SOS2: variants seen among roughly 807,000 people sequenced by gnomAD.
SOS2 encodes the protein SOS Ras/Rho guanine nucleotide exchange factor 2, also known as son of sevenless homolog 2.
SOS2 carries 65 observed loss-of-function variants against 148.2 expected under a neutral mutation model. The ratio of observed to expected loss-of-function variants is 0.44; its 90% confidence interval spans 0.36 to 0.54. SOS2 has a LOEUF of 0.54. Among genes scored for constraint, SOS2 ranks in the 20% least tolerant of loss-of-function variants. The pLI, the probability that SOS2 is intolerant of heterozygous loss-of-function variation, is 0.00. For synonymous variants in SOS2, 539 were observed against 537.1 expected (o/e 1.00, Z -0.05); for missense variants, 1,341 against 1,590.2 (o/e 0.84, Z 2.67).
At chr14:50,160,161 C>A in intron 9 of SOS2, 75 bp from the exon 10 acceptor site, 1 of 1,129,812 alleles carries the variant, frequency 8.9e-7, no homozygotes. Context: ...CATCTCAAAT[C>A]AAGTGAGTAA....
rs1418008191 is a variant in SOS2 at position 50,204,298 on chromosome 14, C to G, written c.199G>C (p.Val67Leu). 1 of 1,584,956 alleles carries G rather than the reference C, an allele frequency of 6.3e-7. No homozygotes were observed. Among genetic ancestry groups the G allele is most frequent in the African/African-American group, 1.4e-5 (1 of 73,250 alleles). ...NKLCMAQPRTVQDVEERVQKT... is the reference protein window; with the variant it reads ...NKLCMAQPRTLQDVEERVQKT... ...ATAATTTTTACCTCTACATCTTGAA[C>G]AGTCCTTGGCTGGGCCATGCATAAT... The change falls in exon 2 of 23, where the codon GTT becomes CTT. Residue 67 changes from valine (V) to leucine (L), a missense_variant. Physicochemically the swap from Val to Leu is conservative, Grantham distance 32. Coordinates refer to ENST00000216373, the MANE Select transcript of SOS2 (RefSeq NM_006939.4).
At chr14:50,198,150 T>A (rs1366517639) in intron 4 of SOS2, among the ~76,000 whole-genome samples, 1 of 152,154 alleles carries the variant, frequency 6.6e-6, no homozygotes, top group African/African-American at 2.4e-5. Flanking sequence ...ACTTGAATGA[T>A]GTTTGAAAGT....
chr14:50,184,889 A>C (rs980920862), intron 5 of SOS2, among the ~76,000 whole-genome samples: 3 of 135,038 alleles, frequency 2.2e-5, no homozygotes, highest in South Asian at 4.7e-4. Flanking sequence ...AAAAAAAAAA[A>C]GGGCAGGGGT....
intron 12 of SOS2, chr14:50,156,257 T>TGTACACACACAC (rs1555369885): frequency 8.7e-5 from 13 of 148,738 alleles, no homozygotes; most frequent in African/African-American, 2.5e-4. Flanking sequence ...TAGTGGTACG[T>TGTACACACACAC]ACACACACAC....
chr14:50,172,619 T>C (rs1885404726), intron 8 of SOS2, among the ~76,000 whole-genome samples: 1 of 151,892 alleles, frequency 6.6e-6, no homozygotes, highest in Non-Finnish European at 1.5e-5. Context: ...TCCCTCCCCC[T>C]TGGACTCCTA....
In SOS2 at chr14:50,118,392, G is replaced by C. The variant is rs749513697; in HGVS notation, c.3951C>G (p.Pro1317=). The part of the protein sequence containing the change: ...PKTYKRELSH[P]PLYRLPLLEN... ...CTAGCAAAGGCAGTCTGTACAATGG[G>C]GGGTGCGAAAGCTCCCGTTTGTAAG... The change falls in exon 23 of 23, where the codon CCC becomes CCG. Residue 1317 remains proline (P), a synonymous_variant. Transcript: ENST00000216373. 2.5e-6 allele frequency: 4 copies of C among 1,614,032 alleles called. No homozygotes were observed. Among genetic ancestry groups the C allele is most frequent in the East Asian group, 2.2e-5 (1 of 44,902 alleles).
chr14:50,213,683 A>G (rs1014299011), intron 1 of SOS2, among the ~76,000 whole-genome samples: 4 of 152,090 alleles, frequency 2.6e-5, no homozygotes, highest in Non-Finnish European at 5.9e-5. Context: ...CCACCCCAAA[A>G]AAAAACCCCA....
chr14:50,222,536 GA>G (rs1220195764), intron 1 of SOS2, among the ~76,000 whole-genome samples: 1 of 152,186 alleles, frequency 6.6e-6, no homozygotes, highest in Non-Finnish European at 1.5e-5. Flanking sequence ...GGCTGTAAGA[GA>G]AAATCTCTCC....
intron 7 of SOS2, among the ~76,000 whole-genome samples, chr14:50,179,724 C>A (rs1259397218): frequency 6.6e-6 from 1 of 152,170 alleles, no homozygotes; most frequent in East Asian, 1.9e-4. Flanking sequence ...CCTATGCCAA[C>A]ATAACTTTTG....
chr14:50,165,780 G>A (rs999812979), intron 8 of SOS2, among the ~76,000 whole-genome samples: 2 of 152,154 alleles, frequency 1.3e-5, no homozygotes, highest in South Asian at 2.1e-4. Context: ...AATGTTTTTT[G>A]AGCTCTGCTC....
rs1417704586 is a variant in SOS2, at chr14:50,182,565, T to C, written c.756A>G (p.Glu252=). Residue 252 remains glutamate (E), a synonymous_variant, in exon 6 of 23, where the codon GAA becomes GAG. Transcript: ENST00000216373. ...KIFSNISDIH[E]LTVKLLGLIE... Reference sequence around the variant, plus strand: ...TCAAACCTAAAAGTTTCACAGTCAATTCATGTATATCTGAAATGTTACTAA... The same window carrying C: ...TCAAACCTAAAAGTTTCACAGTCAACTCATGTATATCTGAAATGTTACTAA... The C allele has an allele frequency of 3.7e-6, 6 of 1,606,258 alleles. No individual in the cohort carries two copies. In the East Asian group the frequency reaches 1.3e-4, roughly 36 times the overall value.
chr14:50,151,432 T>C (rs1446929567), intron 13 of SOS2, among the ~76,000 whole-genome samples: 6 of 151,960 alleles, frequency 3.9e-5, no homozygotes, highest in Non-Finnish European at 8.8e-5. Context: ...TAATGTCTAG[T>C]TAACTTTTTG....
At chr14:50,134,266 C>T (rs1319923104) in intron 18 of SOS2, 27 bp from the exon 19 acceptor site, 1 of 1,011,174 alleles carries the variant, frequency 9.9e-7, no homozygotes, top group Middle Eastern at 2.4e-4. Context: ...AACACAAGTG[C>T]ATATATAGTA....
At chr14:50,202,881 G>A (rs1455151177) in intron 2 of SOS2, among the ~76,000 whole-genome samples, 2 of 152,106 alleles carry the variant, frequency 1.3e-5, no homozygotes, top group Non-Finnish European at 1.5e-5. Flanking sequence ...TTGTAGCTGG[G>A]CATGGTGGCT....
At chr14:50,173,643 A>G (rs769035524) in intron 8 of SOS2, among the ~76,000 whole-genome samples, 54 of 152,078 alleles carry the variant, frequency 3.6e-4, no homozygotes, top group Non-Finnish European at 6.5e-4. Context: ...GGATGGTCTC[A>G]ATCTCCTGAC....
At chr14:50,150,589 T>G (rs1242426016) in intron 13 of SOS2, among the ~76,000 whole-genome samples, 1 of 150,268 alleles carries the variant, frequency 6.7e-6, no homozygotes, top group Non-Finnish European at 1.5e-5. Context: ...TGAGACAGGG[T>G]CTTGCTCTGT....
rs181847024 is a variant in SOS2, at chr14:50,165,855, A to C, written c.1069-4246T>G. Among the ~76,000 whole-genome samples the C allele has an allele frequency of 3.9e-4, 60 of 152,328 alleles. 1 individual carries two copies. The highest frequency in any genetic ancestry group is 1.4e-3 in the African/African-American group (59 of 41,574). On this transcript the variant is annotated intron_variant, in intron 8 of 22. Transcript: ENST00000216373. ...TTACAACTCTGTAACACGAGGTACT[A>C]TAATCATATGTTACAGATGAAGGAA...
chr14:50,189,061 TCACACACACACACA>T (rs10599812), intron 4 of SOS2, among the ~76,000 whole-genome samples: 19 of 128,780 alleles, frequency 1.5e-4, no homozygotes, highest in South Asian at 2.7e-4. Flanking sequence ...CGAGACTCCA[TCACACACACACACA>T]CACACACACA....
chr14:50,216,831 A>G (rs1566484480), intron 1 of SOS2, among the ~76,000 whole-genome samples: 1 of 152,350 alleles, frequency 6.6e-6, no homozygotes, highest in East Asian at 1.9e-4. Context: ...AAATAAATGA[A>G]GAGATTAAAC....
Sources: allele counts gnomAD v4.1 joint callset (sites outside exome capture counted in the v4.1 genomes callset), GRCh38; gene constraint gnomAD v4.1.1; transcripts MANE v1.5; gene names NCBI Gene and HGNC (gene_info 2026-07-23, HGNC 2026-07-21).